Variants in SYCP2L observed in about 807,000 individuals in gnomAD.
SYCP2L encodes synaptonemal complex protein 2-like.
Under a neutral mutation model 125.8 loss-of-function variants are expected in SYCP2L, and 98 were observed. The observed-to-expected ratio is 0.78, with a 90% CI of 0.66 to 0.92. SYCP2L has a LOEUF of 0.92. SYCP2L is among the 40% of genes least tolerant of loss of function. The pLI, the probability that SYCP2L is intolerant of heterozygous loss-of-function variation, is 0.00. For missense variants in SYCP2L, 842 were observed against 936.4 expected (o/e 0.90, Z 1.32); for synonymous variants, 317 against 325.4 (o/e 0.97, Z 0.28).
At chr6:10,952,692 T>C (rs1416639354) in intron 23 of SYCP2L, among the ~76,000 whole-genome samples, 1 of 152,032 alleles carries the variant, frequency 6.6e-6, no homozygotes, top group Non-Finnish European at 1.5e-5. Flanking sequence ...TTTTAAGTGG[T>C]TTCTTTTGGC....
At chr6:10,933,687 T>C (rs1393989575) in intron 20 of SYCP2L, among the ~76,000 whole-genome samples, 1 of 152,198 alleles carries the variant, frequency 6.6e-6, no homozygotes, top group Non-Finnish European at 1.5e-5. Flanking sequence ...GATGTGTCTT[T>C]GAAAAATTAA....
intron 27 of SYCP2L, 40 bp from the exon 28 acceptor site, chr6:10,961,460 T>C: frequency 6.2e-7 from 1 of 1,613,594 alleles, no homozygotes; most frequent in Non-Finnish European, 8.5e-7. Flanking sequence ...CAGGGAAAAA[T>C]AACGCTAGCT....
intron 17 of SYCP2L, 151 bp from the exon 18 acceptor site, chr6:10,928,252 A>ATT: frequency 2.1e-6 from 1 of 473,996 alleles, no homozygotes; most frequent in Non-Finnish European, 3.7e-6. Context: ...GGCATAGGAA[A>ATT]TCACAAGGGG....
chr6:10,930,048 A>G (rs114864028), intron 18 of SYCP2L: 2 of 169,488 alleles, frequency 1.2e-5, no homozygotes, highest in Non-Finnish European at 1.3e-5. Context: ...TTCTTTTGCC[A>G]TCTGACTTAG....
At chr6:10,943,886 G>A (rs1781265180) in intron 23 of SYCP2L, among the ~76,000 whole-genome samples, 1 of 152,000 alleles carries the variant, frequency 6.6e-6, no homozygotes, top group Non-Finnish European at 1.5e-5. Context: ...GTGTAATTGA[G>A]GTATATTTCT....
chr6:10,919,447 A>G (rs1780751178), intron 14 of SYCP2L, among the ~76,000 whole-genome samples: 1 of 152,174 alleles, frequency 6.6e-6, no homozygotes. Flanking sequence ...TCTCTCAGCC[A>G]TGGATACCAG....
chr6:10,943,200 C>T (rs79663096), intron 23 of SYCP2L, among the ~76,000 whole-genome samples: 3,042 of 152,180 alleles, frequency 0.02, 132 homozygotes, highest in African/African-American at 0.069. Context: ...TGAAGATTTC[C>T]AGTCTGGTTC....
chr6:10,895,630 A>G (rs374269731), intron 4 of SYCP2L, among the ~76,000 whole-genome samples: 2 of 150,872 alleles, frequency 1.3e-5, no homozygotes, highest in East Asian at 4.0e-4. Flanking sequence ...GGAGAACAAA[A>G]GGGGGGGGTA....
At chr6:10,910,739 G>C in intron 11 of SYCP2L, 85 bp from the exon 12 acceptor site, 2 of 1,433,522 alleles carry the variant, frequency 1.4e-6, no homozygotes, top group Non-Finnish European at 2.0e-6. Context: ...GCATACTCTA[G>C]TTATAAGTGC....
rs67767345 is a variant in SYCP2L, at chr6:10,909,116, A to ATTTTTTTTT, written c.820-1015_820-1007dup. 9.2e-4 allele frequency among the ~76,000 whole-genome samples: 87 copies of ATTTTTTTTT among 94,846 alleles called. 3 individuals carry two copies. Among genetic ancestry groups the ATTTTTTTTT allele is most frequent in the African/African-American group, 3.8e-3 (79 of 20,812 alleles). 62.2% of individuals were successfully genotyped at this position (94,846 alleles called of 152,430 possible). On this transcript the variant is annotated intron_variant, in intron 10 of 29. Coordinates refer to ENST00000283141, the MANE Select transcript of SYCP2L (RefSeq NM_001040274.3). ...CCAGAGCTATCAACTTCTCAATTGAATTTTTTTTTTTTTTTTTTTTTTTTT... is the reference window on the plus strand; with the variant it reads ...CCAGAGCTATCAACTTCTCAATTGAATTTTTTTTTTTTTTTTTTTTTTTTTTTTTTTTTT...
intron 23 of SYCP2L, among the ~76,000 whole-genome samples, chr6:10,948,576 G>A (rs922333636): frequency 3.3e-5 from 5 of 152,014 alleles, no homozygotes; most frequent in Non-Finnish European, 7.4e-5. Context: ...TCATTTGATT[G>A]TGGTACATTT....
intron 25 of SYCP2L, 45 bp downstream of exon 25, chr6:10,956,287 G>A: frequency 7.2e-7 from 1 of 1,387,658 alleles, no homozygotes. Flanking sequence ...TATGAATCTG[G>A]AGGACATTAT....
chr6:10,951,231 C>T (rs1328935661), intron 23 of SYCP2L, among the ~76,000 whole-genome samples: 3 of 152,008 alleles, frequency 2.0e-5, no homozygotes, highest in Admixed American at 6.6e-5. Context: ...CAAGACCAGC[C>T]TGGGCAACAT....
intron 21 of SYCP2L, among the ~76,000 whole-genome samples, chr6:10,935,786 T>C (rs111334980): frequency 0.044 from 6,764 of 152,232 alleles, 338 homozygotes; most frequent in East Asian, 0.22. Flanking sequence ...TGAGCCACCA[T>C]GGCCAGACTT....
intron 17 of SYCP2L, 130 bp downstream of exon 17, chr6:10,927,497 C>T (rs1021043032): frequency 2.9e-6 from 2 of 683,710 alleles, no homozygotes; most frequent in African/African-American, 3.6e-5. Flanking sequence ...CGTGATGCCC[C>T]CTGAGCTGTA....
intron 1 of SYCP2L, among the ~76,000 whole-genome samples, 154 bp downstream of exon 1, chr6:10,887,289 G>T (rs1165003900): frequency 6.6e-6 from 1 of 152,228 alleles, no homozygotes; most frequent in Non-Finnish European, 1.5e-5. Context: ...GGGTTTGCTC[G>T]GAGTGTATTG....
At chr6:10,922,720 C>T (rs763353678) in intron 14 of SYCP2L, 27 of 151,898 alleles carry the variant, frequency 1.8e-4, no homozygotes, top group African/African-American at 1.9e-4. Context: ...GTAAAATGTC[C>T]GGCAAGATTA....
chr6:10,924,600 A>G lies in SYCP2L; in HGVS notation c.1177A>G (p.Ile393Val), dbSNP rs772549727. The change falls in exon 15 of 30, where the codon ATA becomes GTA. Residue 393 changes from isoleucine to valine, a missense_variant. Ile to Val is a conservative substitution (Grantham distance 29). Coordinates refer to ENST00000283141, the MANE Select transcript of SYCP2L (RefSeq NM_001040274.3). ...IEIHFDLQFN[I>V]SQVSIQALGE... ...AATCCATTTTGATTTGCAGTTCAACATATCACAAGTTTCCATTCAAGCTTT... is the reference window on the plus strand; with the variant it reads ...AATCCATTTTGATTTGCAGTTCAACGTATCACAAGTTTCCATTCAAGCTTT... 6 of 1,600,310 alleles carry G rather than the reference A, an allele frequency of 3.7e-6. No individual in the cohort carries two copies. Among genetic ancestry groups the G allele is most frequent in the South Asian group, 1.1e-5 (1 of 87,212 alleles).
At chr6:10,956,104 G>A (rs956075821) in intron 24 of SYCP2L, 32 bp from the exon 25 acceptor site, 2 of 1,551,918 alleles carry the variant, frequency 1.3e-6, no homozygotes, top group South Asian at 1.1e-5. Context: ...CACTTTGTTA[G>A]TTTTATTCCA....
Sources: allele counts gnomAD v4.1 joint callset (sites outside exome capture counted in the v4.1 genomes callset), GRCh38; gene constraint gnomAD v4.1.1; transcripts MANE v1.5; gene names NCBI Gene and HGNC (gene_info 2026-07-23, HGNC 2026-07-21).